The following PDE11A variants were observed in gnomAD, a reference collection of about 807,000 sequenced individuals.
PDE11A encodes the protein phosphodiesterase 11A, also known as dual 3',5'-cyclic-AMP and -GMP phosphodiesterase 11A.
In PDE11A, 100 loss-of-function variants were observed where a neutral mutation model predicts 100.5. The observed-to-expected ratio is 1.00, with a 90% CI of 0.85 to 1.18. The LOEUF (loss-of-function observed/expected upper bound fraction) is 1.18, where lower values mean the gene tolerates loss of function less well. Among genes scored for constraint, PDE11A ranks in the 50% most tolerant of loss-of-function variants. PDE11A has a pLI of 0.00. For synonymous variants in PDE11A, 381 were observed against 420.8 expected (o/e 0.91, Z 1.16); for missense variants, 1,141 against 1,152.6 (o/e 0.99, Z 0.15).
intron 2 of PDE11A, chr2:177,997,633 A>C (rs2086093109): frequency 7.3e-7 from 1 of 1,373,432 alleles, no homozygotes; most frequent in Non-Finnish European, 1.0e-6. Context: ...GCCTCGTGCA[A>C]AGTATTGCAG....
chr2:178,074,017 C>T (rs560865990), upstream of PDE11A, among the ~76,000 whole-genome samples: 3 of 151,886 alleles, frequency 2.0e-5, no homozygotes, highest in Non-Finnish European at 4.4e-5. Flanking sequence ...TGTGATAACT[C>T]CATACAATGG....
chr2:178,098,343 G>C (rs2087520519), intron 2 of PDE11A, among the ~76,000 whole-genome samples: 1 of 152,114 alleles, frequency 6.6e-6, no homozygotes, highest in African/African-American at 2.4e-5. Flanking sequence ...TAAAATCTGG[G>C]AACACTCACT....
chr2:178,063,082 C>T (rs1414367825), intron 1 of PDE11A, among the ~76,000 whole-genome samples: 1 of 152,144 alleles, frequency 6.6e-6, no homozygotes, highest in Non-Finnish European at 1.5e-5. Flanking sequence ...TACAAATCAT[C>T]AACTTGGAGA....
Position 178,088,446 on chromosome 2 carries a change from C to G in PDE11A, c.162+15856G>C, listed in dbSNP as rs183847392. 8.5e-5 allele frequency among the ~76,000 whole-genome samples: 13 copies of G among 152,320 alleles called. No homozygotes were observed. In the East Asian group the frequency reaches 2.5e-3, roughly 29 times the overall value. On this transcript the variant is annotated intron_variant, in intron 2 of 20. Coordinates refer to the PDE11A transcript ENST00000358450. ...AGACCTACTGACTAGAGGTTTACAT[C>G]TGGGAAGTACTTCACTCACTAGTCT... is the stretch of plus-strand genomic sequence containing the variant.
chr2:177,778,344 G>T (rs898008294), intron 9 of PDE11A, among the ~76,000 whole-genome samples: 1 of 152,162 alleles, frequency 6.6e-6, no homozygotes, highest in African/African-American at 2.4e-5. Context: ...GATTTGGGCA[G>T]CCATTTGCTC....
intron 19 of PDE11A, among the ~76,000 whole-genome samples, chr2:177,652,627 A>C (rs919911427): frequency 6.6e-6 from 1 of 152,148 alleles, no homozygotes; most frequent in African/African-American, 2.4e-5. Context: ...GACTATACGC[A>C]TGAGACTGGG....
chr2:177,874,008 T>C (rs2084189523), intron 5 of PDE11A, among the ~76,000 whole-genome samples: 1 of 152,174 alleles, frequency 6.6e-6, no homozygotes, highest in Non-Finnish European at 1.5e-5. Flanking sequence ...GTTCTGAGAA[T>C]TTAGTTTCTA....
At chr2:177,672,455 G>A (rs1365658165) in intron 17 of PDE11A, among the ~76,000 whole-genome samples, 5 of 152,140 alleles carry the variant, frequency 3.3e-5, no homozygotes, top group African/African-American at 1.2e-4. Flanking sequence ...CGGAAGTGAG[G>A]TGCTGCTGTT....
At chr2:177,815,389 CTAA>C (rs1203907508) in intron 9 of PDE11A, among the ~76,000 whole-genome samples, 4 of 152,200 alleles carry the variant, frequency 2.6e-5, no homozygotes, top group Non-Finnish European at 4.4e-5. Context: ...TAATGCTATA[CTAA>C]TGATTCTTAT....
intron 4 of PDE11A, among the ~76,000 whole-genome samples, chr2:177,879,924 A>C (rs1315862241): frequency 6.6e-6 from 1 of 152,244 alleles, no homozygotes; most frequent in Non-Finnish European, 1.5e-5. Context: ...GCTGAAAAGA[A>C]AAATAGGGAC....
intron 2 of PDE11A, among the ~76,000 whole-genome samples, chr2:178,080,166 T>G (rs2105878295): frequency 6.6e-6 from 1 of 152,342 alleles, no homozygotes; most frequent in Non-Finnish European, 1.5e-5. Context: ...CATTTGTCAA[T>G]TTTTGCATTT....
chr2:177,767,544 T>G (rs2082256146), intron 10 of PDE11A, among the ~76,000 whole-genome samples: 1 of 152,160 alleles, frequency 6.6e-6, no homozygotes, highest in African/African-American at 2.4e-5. Flanking sequence ...GAACTGGATA[T>G]TTTCATAAAT....
chr2:177,932,906 T>C (rs1480112576), intron 2 of PDE11A, among the ~76,000 whole-genome samples: 1 of 151,992 alleles, frequency 6.6e-6, no homozygotes, highest in African/African-American at 2.4e-5. Context: ...TATGATTCTA[T>C]ACTTAGACAA....
At chr2:177,671,743 T>G (rs188097881) in intron 17 of PDE11A, among the ~76,000 whole-genome samples, 1 of 150,422 alleles carries the variant, frequency 6.6e-6, no homozygotes, top group African/African-American at 2.5e-5. Flanking sequence ...GAAACTCACA[T>G]CCAGAAAATA....
At chr2:178,058,959 T>A (rs956187790) in intron 1 of PDE11A, among the ~76,000 whole-genome samples, 1 of 152,182 alleles carries the variant, frequency 6.6e-6, no homozygotes, top group Non-Finnish European at 1.5e-5. Context: ...TGAGCCTGCA[T>A]CCAGTGCATT....
Position 178,014,460 on chromosome 2 carries a change from C to T in PDE11A, c.913G>A (p.Asp305Asn). 6.2e-7 allele frequency: 1 copy of T among 1,611,972 alleles called. No homozygotes were observed. The highest frequency in any genetic ancestry group is 1.1e-5 in the South Asian group (1 of 91,010). Residue 305 changes from aspartate to asparagine, a missense_variant and splice_region_variant, in exon 2 of 20, where the codon GAT (aspartate) becomes AAT (asparagine). Coordinates refer to ENST00000286063, the MANE Select transcript of PDE11A (RefSeq NM_016953.4). ...TCGATTTCATCATTGAATCGTCGAT[C>T]CTAAAAATAAGACAAAGAAAGCATT... ...ETVNIPDAYQ[D>N]RRFNDEIDKL...
chr2:177,838,920 G>A (rs1260115921), intron 6 of PDE11A, among the ~76,000 whole-genome samples: 2 of 152,174 alleles, frequency 1.3e-5, no homozygotes, highest in African/African-American at 2.4e-5. Flanking sequence ...GAACTAGAGG[G>A]TAGTCAGTGT....
chr2:177,895,891 A>G (rs1371312172), intron 4 of PDE11A, among the ~76,000 whole-genome samples: 2 of 151,816 alleles, frequency 1.3e-5, no homozygotes, highest in African/African-American at 4.9e-5. Context: ...AAAACATCAC[A>G]CTGTATACCA....
chr2:177,867,044 G>C (rs980267437), intron 5 of PDE11A, among the ~76,000 whole-genome samples: 3 of 152,188 alleles, frequency 2.0e-5, no homozygotes, highest in Non-Finnish European at 4.4e-5. Context: ...GCATAGTAAA[G>C]GTAAGTATAG....
Sources: allele counts gnomAD v4.1 joint callset (sites outside exome capture counted in the v4.1 genomes callset), GRCh38; gene constraint gnomAD v4.1.1; transcripts MANE v1.5; gene names NCBI Gene and HGNC (gene_info 2026-07-23, HGNC 2026-07-21).